SLC45A4: variants seen among roughly 807,000 people sequenced by gnomAD.
SLC45A4 encodes the protein polyamine-transporter SLC45A4.
A neutral mutation model predicts 63.7 loss-of-function variants in SLC45A4; 32 were observed. The ratio of observed to expected loss-of-function variants is 0.50; its 90% CI spans 0.38 to 0.67. The LOEUF (loss-of-function observed/expected upper bound fraction) is 0.67, where lower values mean the gene tolerates loss of function less well. Ranked by LOEUF, SLC45A4 falls within the 30% of genes least tolerant of loss-of-function variation. SLC45A4 has a pLI of 0.00. For missense variants in SLC45A4, 1,027 were observed against 1,157.7 expected, an observed-to-expected ratio of 0.89 and a Z score of 1.64; for synonymous variants, 535 against 510.0, an observed-to-expected ratio of 1.05 and a Z score of -0.66.
At chr8:141,234,826 C>G in intron 2 of SLC45A4, among the ~76,000 whole-genome samples, 1 of 152,210 alleles carries the variant, frequency 6.6e-6, no homozygotes, top group East Asian at 1.9e-4. Flanking sequence ...CCCCTCCCCC[C>G]AGCACAGCCA....
intron 1 of SLC45A4, among the ~76,000 whole-genome samples, chr8:141,285,362 G>A (rs1830099285): frequency 1.3e-5 from 2 of 152,252 alleles, no homozygotes; most frequent in Admixed American, 1.3e-4. Context: ...TGGAAGATAG[G>A]TGGTTCCCCC....
Position 141,254,356 on chromosome 8 carries a change from CT to C in SLC45A4, c.-128del, listed in dbSNP as rs1828668520. ...TGCTGTGTTCCTCGGGCAGGTAACA[CT>C]TACATTCCTCTTTGCACAAGTGGCT... On this transcript the variant is annotated 5_prime_UTR_variant, in exon 2 of 9. It introduces an in-frame stop codon into an upstream open reading frame of the 5' UTR. Transcript: ENST00000517878. This position sits in a 1 kb window ranked among gnomAD's most constrained non-coding sequence, Gnocchi z 4.5. 1.8e-6 allele frequency: 2 copies of C among 1,098,850 alleles called. No homozygotes were observed. The highest frequency in any genetic ancestry group is 5.2e-5 in the East Asian group (2 of 38,630). The allele number at this position is 1,098,850 out of a possible 1,614,324, so 68.1% of individuals were successfully genotyped here.
At position 141,227,323 on chromosome 8, in the gene SLC45A4, G is replaced by T. The variant is rs1156394285; in HGVS notation, c.242-5558C>A. ...CTTTCTGGTGAGGGGAGACTGGCGG[G>T]GGGTGGGGAGGGCAAGGAGTGGGAA... On this transcript the variant is annotated intron_variant, in intron 2 of 8. Coordinates refer to ENST00000517878, the MANE Select transcript of SLC45A4 (RefSeq NM_001286646.2). This position sits in a 1 kb window ranked among gnomAD's most constrained non-coding sequence, Gnocchi z 4.4. Among the ~76,000 whole-genome samples the T allele has an allele frequency of 2.0e-5, 3 of 152,312 alleles. No homozygotes were observed. Among genetic ancestry groups the T allele is most frequent in the Non-Finnish European group, 4.4e-5 (3 of 68,016 alleles).
At position 141,269,127 on chromosome 8, in the gene SLC45A4, C is replaced by T. The variant is rs11780860; in HGVS notation, c.-400-14498G>A. On this transcript the variant is annotated intron_variant, in intron 1 of 8. Transcript: ENST00000517878. Reference sequence around the variant, plus strand: ...TACGCTGTATAGGGAGCGCCACGAGCTCCACCTCACCCGACAGCTCCAGGC... The same window carrying T: ...TACGCTGTATAGGGAGCGCCACGAGTTCCACCTCACCCGACAGCTCCAGGC... Among the ~76,000 whole-genome samples, 991 of 152,358 alleles carry T rather than the reference C, an allele frequency of 6.5e-3. 9 individuals carry two copies. Among genetic ancestry groups the T allele is most frequent in the Admixed American group, 0.026 (397 of 15,308 alleles).
intron 1 of SLC45A4, among the ~76,000 whole-genome samples, chr8:141,270,822 C>T (rs988872859): frequency 2.0e-5 from 3 of 152,190 alleles, no homozygotes; most frequent in Non-Finnish European, 4.4e-5. Context: ...GACCCCAAGA[C>T]TTCCTCTGGG....
intron 1 of SLC45A4, among the ~76,000 whole-genome samples, chr8:141,303,281 G>C (rs1216409556): frequency 6.6e-6 from 1 of 150,852 alleles, no homozygotes; most frequent in Non-Finnish European, 1.5e-5. Context: ...ATAGGCACGT[G>C]CCATCGTGCC....
chr8:141,269,392 G>A (rs1453907197), intron 1 of SLC45A4, among the ~76,000 whole-genome samples: 2 of 152,220 alleles, frequency 1.3e-5, no homozygotes, highest in Admixed American at 1.3e-4. Context: ...ATTAGAGCTT[G>A]CTGTGAATCT....
At chr8:141,244,973 T>A (rs1490356821) in intron 2 of SLC45A4, among the ~76,000 whole-genome samples, 2 of 36,956 alleles carry the variant, frequency 5.4e-5, no homozygotes, top group Non-Finnish European at 9.5e-5. Flanking sequence ...GGGGGGGCGG[T>A]GTGGAGGTGG....
intron 1 of SLC45A4, among the ~76,000 whole-genome samples, chr8:141,284,823 C>G (rs1830079769): frequency 6.6e-6 from 1 of 152,026 alleles, no homozygotes; most frequent in Admixed American, 6.5e-5. Flanking sequence ...GGAGGCCCTT[C>G]TGTGTTCCCA....
chr8:141,274,444 G>A (rs766202080), intron 1 of SLC45A4, among the ~76,000 whole-genome samples: 1 of 148,858 alleles, frequency 6.7e-6, no homozygotes, highest in Non-Finnish European at 1.5e-5. Context: ...TGAGGCAGGA[G>A]AATCGCTTGA....
At chr8:141,222,426 T>C (rs1217463939) in intron 2 of SLC45A4, among the ~76,000 whole-genome samples, 5 of 152,026 alleles carry the variant, frequency 3.3e-5, no homozygotes, top group Non-Finnish European at 7.4e-5. Context: ...ATGCTCACAT[T>C]CTCCTTCCTG....
At chr8:141,252,138 G>A (rs959311882) in intron 2 of SLC45A4, 1 of 151,558 alleles carries the variant, frequency 6.6e-6, no homozygotes, top group Non-Finnish European at 1.5e-5. Context: ...CTTCTAAACT[G>A]TCTGCCTCTT....
chr8:141,224,006 T>A (rs1826824711), intron 2 of SLC45A4, among the ~76,000 whole-genome samples: 1 of 152,238 alleles, frequency 6.6e-6, no homozygotes, highest in Non-Finnish European at 1.5e-5. Flanking sequence ...TCTGTAGTTT[T>A]TTTTTTTTTT....
intron 2 of SLC45A4, among the ~76,000 whole-genome samples, chr8:141,236,648 G>A (rs902042995): frequency 1.4e-4 from 21 of 152,134 alleles, no homozygotes; most frequent in Non-Finnish European, 5.9e-5. Context: ...GCATCCTGCT[G>A]GTGGACACCT....
At chr8:141,284,339 C>T (rs967167118) in intron 1 of SLC45A4, among the ~76,000 whole-genome samples, 2 of 152,204 alleles carry the variant, frequency 1.3e-5, no homozygotes, top group African/African-American at 4.8e-5. Flanking sequence ...CACTTGAGGG[C>T]ACCTGCCCAG....
chr8:141,295,810 C>A (rs1276323497), intron 1 of SLC45A4, among the ~76,000 whole-genome samples: 3 of 152,230 alleles, frequency 2.0e-5, no homozygotes, highest in Non-Finnish European at 4.4e-5. Flanking sequence ...GGCTGAAGGC[C>A]TTGAGTGCCC....
At chr8:141,241,565 G>A (rs1430244721) in intron 2 of SLC45A4, among the ~76,000 whole-genome samples, 1 of 151,478 alleles carries the variant, frequency 6.6e-6, no homozygotes, top group African/African-American at 2.4e-5. Context: ...TTACAATACA[G>A]TCAAAGAAAA....
At chr8:141,226,698 A>G (rs761562358) in intron 2 of SLC45A4, 4 of 152,134 alleles carry the variant, frequency 2.6e-5, no homozygotes, top group Non-Finnish European at 4.4e-5. Context: ...CAGGGCCAGC[A>G]GTGTCTGTCT....
At chr8:141,281,394 C>G (rs1308643584) in intron 1 of SLC45A4, among the ~76,000 whole-genome samples, 1 of 152,204 alleles carries the variant, frequency 6.6e-6, no homozygotes, top group East Asian at 1.9e-4. Context: ...CTGTGACAGG[C>G]TCAGCCCTCA....
Sources: allele counts gnomAD v4.1 joint callset (sites outside exome capture counted in the v4.1 genomes callset), GRCh38; gene constraint gnomAD v4.1.1; non-coding constraint Gnocchi (gnomAD v3.1); transcripts MANE v1.5; gene names NCBI Gene and HGNC (gene_info 2026-07-23, HGNC 2026-07-21).